The following SLC7A3 variants were observed in gnomAD, a reference collection of about 807,000 sequenced individuals.
SLC7A3 encodes the protein cationic amino acid transporter 3.
SLC7A3 carries 3 observed loss-of-function variants against 33.2 expected under a neutral mutation model. The observed-to-expected ratio is 0.09, with a 90% CI of 0.04 to 0.23. The LOEUF is 0.23. SLC7A3 is among the 10% of genes least tolerant of loss of function. The pLI is 1.00. For synonymous variants in SLC7A3, 193 were observed against 195.1 expected (o/e 0.99, Z 0.09); for missense variants, 360 against 488.8 (o/e 0.74, Z 2.48).
Position 70,927,965 on chromosome X carries a change from C to A in SLC7A3, c.876G>T (p.Leu292=). 3.3e-6 allele frequency: 4 copies of A among 1,211,592 alleles called. No homozygotes were observed. The highest frequency in any genetic ancestry group is 4.5e-6 in the Non-Finnish European group (4 of 895,500). The change falls in exon 6 of 12, where the codon CTG becomes CTT. Residue 292 remains leucine, a synonymous_variant. Coordinates refer to ENST00000374299, the MANE Select transcript of SLC7A3 (RefSeq NM_032803.6). ...RSIPMGIVIS[L]SVCFLAYFAV... is the part of the protein sequence containing the mutation. The stretch of plus-strand genomic sequence containing the variant: ...CAAAATACGCCAAAAAGCAGACAGA[C>A]AGTGAGATCACAATGCCCATCGGGA...
At position 70,930,116 on chromosome X, in the gene SLC7A3, CTA is replaced by C. The variant is rs1436689977; in HGVS notation, c.-25-96_-25-95del. The C allele has an allele frequency of 3.3e-6, 3 of 920,060 alleles. No individual in the cohort carries two copies. In the East Asian group the frequency reaches 9.4e-5, roughly 29 times the overall value. The allele number at this position is 920,060 out of a possible 1,213,427, so 75.8% of individuals were successfully genotyped here. On this transcript the variant is annotated intron_variant, in intron 1 of 11. Coordinates refer to ENST00000374299, the MANE Select transcript of SLC7A3 (RefSeq NM_032803.6). ...AGACCCCCTCCACCAAGCAAAGGAG[CTA>C]TTGGGAAATGAGGACGGGGATATGG...
rs771777087 is a variant in SLC7A3 at position 70,929,486 on chromosome X, C to T, written c.370+142G>A. On this transcript the variant is annotated intron_variant, in intron 2 of 11. Transcript: ENST00000374299. The stretch of plus-strand genomic sequence containing the variant: ...GCAATTTCTCCACACCTTCAACACC[C>T]CCCCCCAGACCCCCAGCAAACCCGC... The T allele has an allele frequency of 6.7e-5, 47 of 700,979 alleles. No individual in the cohort carries two copies. In the East Asian group the frequency reaches 1.2e-3, roughly 18 times the overall value. 57.8% of individuals were successfully genotyped at this position (700,979 alleles called of 1,213,427 possible).
Position 70,925,824 on chromosome X carries a change from G to A in SLC7A3, c.1849C>T (p.His617Tyr), listed in dbSNP as rs771695858. 8.3e-7 allele frequency: 1 copy of A among 1,211,361 alleles called. No individual in the cohort carries two copies. The highest frequency in any genetic ancestry group is 1.1e-6 in the Non-Finnish European group (1 of 895,417). The change falls in exon 12 of 12, where the codon CAC (histidine) becomes TAC (tyrosine). Residue 617 changes from histidine (H) to tyrosine (Y), a missense_variant. Physicochemically the swap from His to Tyr is moderately conservative, Grantham distance 83 (BLOSUM62 2). Coordinates refer to ENST00000374299, the MANE Select transcript of SLC7A3 (RefSeq NM_032803.6). ...TAGGTGTGACGATGTCAAACTGAGT[G>A]GACATAGAGAGTGCCGGGATCAAGG... ...VDLDPGTLYV[H>Y]SV
chrX:70,928,535 C>T lies in SLC7A3; in HGVS notation c.628G>A (p.Val210Ile), dbSNP rs774144802. ...VLGFVMISGF[V>I]KGDVHNWKLT... Reference sequence around the variant, plus strand: ...TTCCAGTTGTGCACGTCCCCCTTAACGAAGCCAGAGATCATGACGAACCCA... The same window carrying T: ...TTCCAGTTGTGCACGTCCCCCTTAATGAAGCCAGAGATCATGACGAACCCA... Residue 210 changes from valine (V) to isoleucine (I), a missense_variant, in exon 4 of 12, where the codon GTT becomes ATT. Transcript: ENST00000374299. 23 of 1,204,339 alleles carry T rather than the reference C, an allele frequency of 1.9e-5. No homozygotes were observed. The highest frequency in any genetic ancestry group is 2.3e-4 in the Middle Eastern group (1 of 4,349).
chrX:70,925,792 C>T lies in SLC7A3; in HGVS notation c.*21G>A. On this transcript the variant is annotated 3_prime_UTR_variant, in exon 12 of 12. Coordinates refer to ENST00000374299, the MANE Select transcript of SLC7A3 (RefSeq NM_032803.6). The stretch of plus-strand genomic sequence containing the variant: ...CTCCATTATTGTGCAGGGGACCAGA[C>T]AGCATTTAGGTGTGACGATGTCAAA... The T allele has an allele frequency of 1.7e-6, 2 of 1,210,460 alleles. No individual in the cohort carries two copies. Among genetic ancestry groups the T allele is most frequent in the African/African-American group, 3.5e-5 (2 of 57,704 alleles).
chrX:70,929,955 G>A lies in SLC7A3; in HGVS notation c.43C>T (p.Arg15Cys). The A allele has an allele frequency of 8.3e-7, 1 of 1,205,823 alleles. No individual in the cohort carries two copies. Among genetic ancestry groups the A allele is most frequent in the Non-Finnish European group, 1.1e-6 (1 of 891,207 alleles). The change falls in exon 2 of 12, where the codon CGC (arginine) becomes TGC (cysteine). Residue 15 changes from arginine (R) to cysteine (C), a missense_variant. By Grantham distance (180) the Arg-to-Cys change is radical. Coordinates refer to ENST00000374299, the MANE Select transcript of SLC7A3 (RefSeq NM_032803.6). Reference protein sequence around the residue: ...AFRRFGQKLVRRRTLESGMAE... With the variant: ...AFRRFGQKLVCRRTLESGMAE... ...ATGCCTGACTCCAGTGTACGTCTGC[G>A]TACCAGCTTTTGACCAAATCTGCGA... is the stretch of plus-strand genomic sequence containing the variant.
rs2147904158 is a variant in SLC7A3, at chrX:70,925,770, C to T, written c.*43G>A. The T allele has an allele frequency of 8.3e-7, 1 of 1,206,098 alleles. No homozygotes were observed. The highest frequency in any genetic ancestry group is 1.1e-6 in the Non-Finnish European group (1 of 892,032). Reference sequence around the variant, plus strand: ...TGTCACTGGGGTCAGGAGTACTCTCCATTATTGTGCAGGGGACCAGACAGC... The same window carrying T: ...TGTCACTGGGGTCAGGAGTACTCTCTATTATTGTGCAGGGGACCAGACAGC... On this transcript the variant is annotated 3_prime_UTR_variant, in exon 12 of 12. Coordinates refer to ENST00000374299, the MANE Select transcript of SLC7A3 (RefSeq NM_032803.6).
chrX:70,926,244 A>G (rs2091896504), intron 10 of SLC7A3, 66 bp from the exon 11 acceptor site: 2 of 977,466 alleles, frequency 2.0e-6, no homozygotes, highest in Non-Finnish European at 2.9e-6. Context: ...TCCCTATCCT[A>G]TGCAGGCCAG....
chrX:70,926,628 G>C lies in SLC7A3; in HGVS notation c.1519C>G (p.Leu507Val). The C allele has an allele frequency of 8.4e-7, 1 of 1,194,744 alleles. No homozygotes were observed. Among genetic ancestry groups the C allele is most frequent in the Non-Finnish European group, 1.1e-6 (1 of 887,088 alleles). Residue 507 changes from leucine (L) to valine (V), a missense_variant, in exon 10 of 12, where the codon CTG (leucine) becomes GTG (valine). Leu to Val is a conservative substitution (Grantham distance 32, BLOSUM62 1). Coordinates refer to ENST00000374299, the MANE Select transcript of SLC7A3 (RefSeq NM_032803.6). ...QWSVPLLSGD[L>V]LWTAVVVLLL... ...AGCACAACCACTGCAGTCCACAGCA[G>C]GTCTCCAGAAAGCAATGGAACTGAC... is the stretch of plus-strand genomic sequence containing the variant.
At chrX:70,928,289 G>A (rs772914264) in intron 4 of SLC7A3, 32 bp from the exon 5 acceptor site, 2 of 1,154,983 alleles carry the variant, frequency 1.7e-6, no homozygotes, top group Non-Finnish European at 2.4e-6. Flanking sequence ...AGAAGGTAAG[G>A]GTGTGTTCAG....
rs754844137 is a variant in SLC7A3 at position 70,929,928 on chromosome X, C to G, written c.70G>C (p.Ala24Pro). The G allele has an allele frequency of 1.7e-6, 2 of 1,211,862 alleles. No homozygotes were observed. The highest frequency in any genetic ancestry group is 2.2e-6 in the Non-Finnish European group (2 of 895,395). Residue 24 changes from alanine (A) to proline (P), a missense_variant, in exon 2 of 12, where the codon GCT (alanine) becomes CCT (proline). Coordinates refer to ENST00000374299, the MANE Select transcript of SLC7A3 (RefSeq NM_032803.6). ...VRRRTLESGMAETRLARCLST... is the reference protein window; with the variant it reads ...VRRRTLESGMPETRLARCLST... ...AGGCATCTGGCAAGGCGAGTCTCAG[C>G]CATGCCTGACTCCAGTGTACGTCTG...
rs1201091498 is a variant in SLC7A3 at position 70,928,482 on chromosome X, G to A, written c.681C>T (p.Ala227=). ...WKLTEEDYEL[A]MAELNDTYSL... The stretch of plus-strand genomic sequence containing the variant: ...TATAGGTGTCATTGAGTTCAGCCAT[G>A]GCCAATTCGTAGTCCTCTTCTGTGA... Residue 227 remains alanine (A), a synonymous_variant, in exon 4 of 12, where the codon GCC becomes GCT. Coordinates refer to ENST00000374299, the MANE Select transcript of SLC7A3 (RefSeq NM_032803.6). 1 of 1,204,636 alleles carries A rather than the reference G, an allele frequency of 8.3e-7. No individual in the cohort carries two copies. The highest frequency in any genetic ancestry group is 1.1e-6 in the Non-Finnish European group (1 of 891,936).
At chrX:70,927,221 T>G in intron 8 of SLC7A3, 61 bp downstream of exon 8, 1 of 1,107,575 alleles carries the variant, frequency 9.0e-7, no homozygotes, top group Non-Finnish European at 1.2e-6. Flanking sequence ...GGAGCAGATC[T>G]CCATCATTCC....
chrX:70,926,668 C>T lies in SLC7A3; in HGVS notation c.1479G>A (p.Leu493=). The part of the protein sequence containing the change: ...LLAVLLTALC[L]VLAQWSVPLL... ...ATGGAACTGACCACTGGGCCAGCACCAGGCAAAGAGCAGTCAGCAGGACAG... is the reference window on the plus strand; with the variant it reads ...ATGGAACTGACCACTGGGCCAGCACTAGGCAAAGAGCAGTCAGCAGGACAG... Residue 493 remains leucine (L), a synonymous_variant, in exon 10 of 12, where the codon CTG becomes CTA. Coordinates refer to ENST00000374299, the MANE Select transcript of SLC7A3 (RefSeq NM_032803.6). The T allele has an allele frequency of 8.4e-7, 1 of 1,190,171 alleles. No individual in the cohort carries two copies. The highest frequency in any genetic ancestry group is 1.9e-5 in the South Asian group (1 of 53,871).
rs746685423 is a variant in SLC7A3 at position 70,926,031 on chromosome X, G to A, written c.1729+39C>T. On this transcript the variant is annotated intron_variant, in intron 11 of 11. Coordinates refer to ENST00000374299, the MANE Select transcript of SLC7A3 (RefSeq NM_032803.6). ...CCAAGAGGGAAAGGAGCTGGGCTAGGACACCAAAGAAGCCTACTCTTCCCA... is the reference window on the plus strand; with the variant it reads ...CCAAGAGGGAAAGGAGCTGGGCTAGAACACCAAAGAAGCCTACTCTTCCCA... 5.0e-6 allele frequency: 6 copies of A among 1,206,167 alleles called. No individual in the cohort carries two copies. The South Asian group carries it at 8.8e-5, about 18-fold the overall frequency.
Position 70,929,855 on chromosome X carries a change from G to A in SLC7A3, c.143C>T (p.Ala48Val). The change falls in exon 2 of 12, where the codon GCA becomes GTA. Residue 48 changes from alanine to valine, a missense_variant. Physicochemically the swap from Ala to Val is moderately conservative, Grantham distance 64. Transcript: ENST00000374299. ...CTCGCCAGCTAGGACATACACGCCT[G>A]CACCCAATGTGCTGCCCACACCCAG... ...VALGVGSTLG[A>V]GVYVLAGEVA... 1 of 1,211,463 alleles carries A rather than the reference G, an allele frequency of 8.3e-7. No individual in the cohort carries two copies. Among genetic ancestry groups the A allele is most frequent in the Non-Finnish European group, 1.1e-6 (1 of 895,265 alleles).
chrX:70,929,078 T>C, intron 2 of SLC7A3, 76 bp from the exon 3 acceptor site: 1 of 1,006,027 alleles, frequency 9.9e-7, no homozygotes, highest in South Asian at 2.1e-5. Flanking sequence ...GTCCCTGCCT[T>C]TTTCACCTAT....
At chrX:70,928,726 C>T (rs2091903298) in intron 3 of SLC7A3, 93 bp from the exon 4 acceptor site, 4 of 1,115,620 alleles carry the variant, frequency 3.6e-6, no homozygotes, top group East Asian at 3.1e-5. Flanking sequence ...TTCTTCTTCC[C>T]CACCATTATC....
Position 70,928,215 on chromosome X carries a change from G to A in SLC7A3, c.750C>T (p.Phe250=), listed in dbSNP as rs781596989. 2.1e-5 allele frequency: 26 copies of A among 1,209,679 alleles called. No individual in the cohort carries two copies. Among genetic ancestry groups the A allele is most frequent in the Admixed American group, 6.6e-5 (3 of 45,745 alleles). ...LGSGGFVPFG[F]EGILRGAATC... ...TCGCTGCTCCACGGAGAATTCCCTC[G>A]AAGCCGAAAGGCACAAATCCTCCAG... is the stretch of plus-strand genomic sequence containing the variant. The change falls in exon 5 of 12, where the codon TTC becomes TTT. Residue 250 remains phenylalanine, a synonymous_variant. Coordinates refer to ENST00000374299, the MANE Select transcript of SLC7A3 (RefSeq NM_032803.6).
Sources: allele counts gnomAD v4.1 joint callset, GRCh38; gene constraint gnomAD v4.1.1; transcripts MANE v1.5; gene names NCBI Gene and HGNC (gene_info 2026-07-23, HGNC 2026-07-21).